Variants in NEDD1 observed in about 807,000 individuals in gnomAD.
NEDD1 encodes protein NEDD1.
NEDD1 carries 33 observed loss-of-function variants against 74.0 expected under a neutral mutation model. The ratio of observed to expected loss-of-function variants is 0.45; its 90% CI spans 0.34 to 0.60. The LOEUF is 0.60. Ranked by LOEUF, NEDD1 falls within the 20% of genes least tolerant of loss-of-function variation. The probability of loss-of-function intolerance (pLI) is 0.01; values close to 1 mark genes in which losing one functional copy is unlikely to be tolerated. For missense variants in NEDD1, 746 were observed against 776.5 expected (o/e 0.96, Z 0.47); for synonymous variants, 250 against 264.4 (o/e 0.95, Z 0.53).
intron 6 of NEDD1, among the ~76,000 whole-genome samples, chr12:96,932,463 A>AAAAAAAATATATATATATATATAT: frequency 1.1e-4 from 1 of 9,438 alleles, no homozygotes; most frequent in African/African-American, 3.4e-4. Context: ...AAAAAAAAAA[A>AAAAAAAATATATATATATATATAT]ATATATATAT....
intron 6 of NEDD1, among the ~76,000 whole-genome samples, chr12:96,923,582 C>T (rs1018287344): frequency 1.3e-5 from 2 of 151,998 alleles, no homozygotes; most frequent in African/African-American, 4.8e-5. Context: ...TGCATTTGTC[C>T]ATGTTGAATG....
rs75127005 is a variant in NEDD1 at position 96,911,739 on chromosome 12, G to C, written c.137-984G>C. Among the ~76,000 whole-genome samples, 618 of 152,164 alleles carry C rather than the reference G, an allele frequency of 4.1e-3. 7 individuals are homozygous for C. Among genetic ancestry groups the C allele is most frequent in the Middle Eastern group, 0.014 (4 of 294 alleles). On this transcript the variant is annotated intron_variant, in intron 3 of 15. Transcript: ENST00000266742. ...GTAAACAGGAAGAAGTCAAGGAAAG[G>C]GAAATGGTTTTTCTCGCTATGGTAA...
Position 96,937,397 on chromosome 12 carries a change from A to G in NEDD1, c.1117+4A>G, listed in dbSNP as rs758662449. The G allele has an allele frequency of 1.3e-6, 2 of 1,543,108 alleles. No homozygotes were observed. Among genetic ancestry groups the G allele is most frequent in the South Asian group, 2.4e-5 (2 of 81,990 alleles). On this transcript the variant is annotated splice_donor_region_variant and intron_variant, in intron 9 of 15. Transcript: ENST00000266742. The stretch of plus-strand genomic sequence containing the variant: ...GTTGCTGTTCAAGAAAAAGCAGGTA[A>G]ATGTTGCTTATATATTGTTGGAGGG...
chr12:96,942,620 A>T lies in NEDD1; in HGVS notation c.1290A>T (p.Gly430=). 6.8e-7 allele frequency: 1 copy of T among 1,470,666 alleles called. No homozygotes were observed. The highest frequency in any genetic ancestry group is 1.1e-5 in the South Asian group (1 of 87,578). The allele number at this position is 1,470,666 out of a possible 1,614,324, so 91.1% of individuals were successfully genotyped here. A position where few individuals can be genotyped will look rare whatever the true frequency, so the allele number is the denominator to read the frequency against. Reference sequence around the variant, plus strand: ...GAAGTGATGAGTCCATAGGCAAAGGAGATGGTAAGAACTACTTAGAAGTAT... The same window carrying T: ...GAAGTGATGAGTCCATAGGCAAAGGTGATGGTAAGAACTACTTAGAAGTAT... ...NKGSDESIGK[G]DGFDFLPQLN... The change falls in exon 11 of 16, where the codon GGA becomes GGT. Residue 430 remains glycine (G), a synonymous_variant. Coordinates refer to ENST00000266742, the MANE Select transcript of NEDD1 (RefSeq NM_152905.4).
chr12:96,914,742 C>A (rs918346755), intron 4 of NEDD1, among the ~76,000 whole-genome samples: 2 of 151,996 alleles, frequency 1.3e-5, no homozygotes, highest in African/African-American at 4.8e-5. Flanking sequence ...TGTATTTCAC[C>A]TCTTTAAAGT....
At chr12:96,948,083 C>T (rs1047670815) in intron 14 of NEDD1, among the ~76,000 whole-genome samples, 2 of 152,128 alleles carry the variant, frequency 1.3e-5, no homozygotes, top group Non-Finnish European at 2.9e-5. Context: ...GTATTGAGGA[C>T]CTCTTTCTCA....
chr12:96,925,208 T>C (rs1875563145), intron 6 of NEDD1, among the ~76,000 whole-genome samples: 1 of 152,058 alleles, frequency 6.6e-6, no homozygotes, highest in Non-Finnish European at 1.5e-5. Context: ...TTAAAGGAAA[T>C]GATGTCTCAG....
chr12:96,930,398 G>T (rs796694623), intron 6 of NEDD1, among the ~76,000 whole-genome samples: 13 of 152,212 alleles, frequency 8.5e-5, no homozygotes, highest in African/African-American at 2.9e-4. Flanking sequence ...AAAGTGCATG[G>T]GGTGAAGGCC....
At chr12:96,924,216 G>A (rs191311738) in intron 6 of NEDD1, among the ~76,000 whole-genome samples, 21 of 152,234 alleles carry the variant, frequency 1.4e-4, no homozygotes, top group African/African-American at 5.1e-4. Flanking sequence ...TGTTCCGTTG[G>A]TCTAGTTTGA....
At position 96,919,977 on chromosome 12, in the gene NEDD1, T is replaced by G. The variant is rs762340377; in HGVS notation, c.349-8T>G. 1.9e-6 allele frequency: 3 copies of G among 1,593,964 alleles called. No homozygotes were observed. The Admixed American group carries it at 5.1e-5, about 27-fold the overall frequency. ...GGCAGTGTACTTACTTTCATTTCTC[T>G]CTTTCAGGATCATAAAGATCAAGTA... On this transcript the variant is annotated splice_region_variant and splice_polypyrimidine_tract_variant and intron_variant, in intron 5 of 15. Coordinates refer to ENST00000266742, the MANE Select transcript of NEDD1 (RefSeq NM_152905.4).
At chr12:96,933,731 A>T (rs980340693) in intron 6 of NEDD1, among the ~76,000 whole-genome samples, 1 of 151,992 alleles carries the variant, frequency 6.6e-6, no homozygotes, top group East Asian at 1.9e-4. Flanking sequence ...GAGAGCTAAT[A>T]TATATTATTT....
intron 9 of NEDD1, among the ~76,000 whole-genome samples, chr12:96,939,801 G>A (rs1033220088): frequency 6.6e-6 from 1 of 151,978 alleles, no homozygotes; most frequent in Non-Finnish European, 1.5e-5. Flanking sequence ...TTCTTTATGA[G>A]TTTGGTGTTC....
intron 13 of NEDD1, 29 bp from the exon 14 acceptor site, chr12:96,945,664 A>G (rs770927109): frequency 1.6e-5 from 23 of 1,434,040 alleles, no homozygotes; most frequent in Non-Finnish European, 2.0e-6. Flanking sequence ...CAAGTTGACT[A>G]TTAATATTTT....
At chr12:96,913,297 A>G (rs548488602) in intron 4 of NEDD1, among the ~76,000 whole-genome samples, 16 of 151,684 alleles carry the variant, frequency 1.1e-4, no homozygotes, top group Non-Finnish European at 1.5e-4. Flanking sequence ...CTCTCCTTAA[A>G]CAGGTTGGCT....
Position 96,936,734 on chromosome 12 carries a change from A to G in NEDD1, c.843A>G (p.Lys281=). Residue 281 remains lysine, a synonymous_variant, in exon 8 of 16, where the codon AAA becomes AAG. Transcript: ENST00000266742. ...ATCAATATGATTTAAGAATGTTGAAATCACCAGTTAAGACCATCAGTGCTC... is the reference window on the plus strand; with the variant it reads ...ATCAATATGATTTAAGAATGTTGAAGTCACCAGTTAAGACCATCAGTGCTC... The part of the protein sequence containing the change: ...KIYQYDLRML[K]SPVKTISAHK... 1 of 1,613,450 alleles carries G rather than the reference A, an allele frequency of 6.2e-7. No homozygotes were observed. Among genetic ancestry groups the G allele is most frequent in the South Asian group, 1.1e-5 (1 of 91,068 alleles).
At position 96,910,635 on chromosome 12, in the gene NEDD1, G is replaced by T. The variant is rs191734575; in HGVS notation, c.136+740G>T. Among the ~76,000 whole-genome samples the T allele has an allele frequency of 9.2e-5, 14 of 152,230 alleles. No homozygotes were observed. In the East Asian group the frequency reaches 2.3e-3, roughly 25 times the overall value. ...GGACCTTTCCTGTATGTTGTACCAC[G>T]TGGAGGTTTATTGGTCTTCACCCGT... On this transcript the variant is annotated intron_variant, in intron 3 of 15. Coordinates refer to ENST00000266742, the MANE Select transcript of NEDD1 (RefSeq NM_152905.4).
chr12:96,926,895 G>T (rs550155648), intron 6 of NEDD1, among the ~76,000 whole-genome samples: 25 of 152,014 alleles, frequency 1.6e-4, no homozygotes, highest in African/African-American at 5.8e-4. Context: ...GCTGAGGTGA[G>T]AGGAGAGATT....
chr12:96,929,607 G>GTATATA (rs71078437), intron 6 of NEDD1, among the ~76,000 whole-genome samples: 5,641 of 83,126 alleles, frequency 0.068, 304 homozygotes, highest in African/African-American at 0.19. Context: ...ACACATATGT[G>GTATATA]TATATATATA....
At chr12:96,925,006 T>C in intron 6 of NEDD1, 1 of 291,414 alleles carries the variant, frequency 3.4e-6, no homozygotes, top group South Asian at 3.1e-5. Flanking sequence ...ATTTTACTAT[T>C]TATGTTGGAA....
Sources: allele counts gnomAD v4.1 joint callset (sites outside exome capture counted in the v4.1 genomes callset), GRCh38; gene constraint gnomAD v4.1.1; transcripts MANE v1.5; gene names NCBI Gene and HGNC (gene_info 2026-07-23, HGNC 2026-07-21).